The following TIE1 variants were observed in gnomAD, a reference collection of about 807,000 sequenced individuals.
TIE1 encodes the protein tyrosine kinase with immunoglobulin like and EGF like domains 1.
Under a neutral mutation model 130.5 loss-of-function variants are expected in TIE1, and 89 were observed. The observed-to-expected ratio is 0.68, with a 90% CI of 0.57 to 0.81. The LOEUF (loss-of-function observed/expected upper bound fraction) is 0.81, where lower values mean the gene tolerates loss of function less well. TIE1 is among the 40% of genes least tolerant of loss of function. The pLI is 0.00. For missense variants in TIE1, 1,392 were observed against 1,559.8 expected (o/e 0.89, Z 1.81); for synonymous variants, 568 against 629.4 (o/e 0.90, Z 1.46).
Position 43,306,812 on chromosome 1 carries a change from A to G in TIE1, c.485-28A>G, listed in dbSNP as rs1400525603. 6.3e-7 allele frequency: 1 copy of G among 1,585,374 alleles called. No homozygotes were observed. Among genetic ancestry groups the G allele is most frequent in the Non-Finnish European group, 8.6e-7 (1 of 1,165,938 alleles). ...GTGACACAGCCCTCATGTAGTGCTG[A>G]GGCCCCTGACACATTCATGTCCCCC... On this transcript the variant is annotated intron_variant, in intron 3 of 22. Coordinates refer to ENST00000372476, the MANE Select transcript of TIE1 (RefSeq NM_005424.5). The surrounding 1 kb of genome is among the most constrained non-coding windows in gnomAD (Gnocchi z 4.9).
chr1:43,305,297 A>G lies in TIE1; in HGVS notation c.438A>G (p.Ala146=), dbSNP rs1646717057. 1 of 1,603,026 alleles carries G rather than the reference A, an allele frequency of 6.2e-7. No homozygotes were observed. The change falls in exon 3 of 23, where the codon GCA becomes GCG. Residue 146 remains alanine, a synonymous_variant. Coordinates refer to ENST00000372476, the MANE Select transcript of TIE1 (RefSeq NM_005424.5). ...AAGGTGACACCGCTGTACTTTCTGC[A>G]CGTGTGCACAAGGAGAAGCAGACAG... ...VNKGDTAVLS[A]RVHKEKQTDV...
chr1:43,318,827 T>C lies in TIE1; in HGVS notation c.2923-408T>C, dbSNP rs976996451. On this transcript the variant is annotated intron_variant, in intron 17 of 22. Transcript: ENST00000372476. The surrounding 1 kb of genome is among the most constrained non-coding windows in gnomAD (Gnocchi z 4.4). ...CCAGCATTTTAAAGATAGTAAAGTT[T>C]TGAGTATGTTTGAAAGCAGAGGGGC... Among the ~76,000 whole-genome samples, 1 of 151,864 alleles carries C rather than the reference T, an allele frequency of 6.6e-6. No individual in the cohort carries two copies. The highest frequency in any genetic ancestry group is 1.5e-5 in the Non-Finnish European group (1 of 67,970).
chr1:43,307,290 C>G lies in TIE1; in HGVS notation c.772+17C>G, dbSNP rs780699351. 1 of 1,613,976 alleles carries G rather than the reference C, an allele frequency of 6.2e-7. No individual in the cohort carries two copies. The stretch of plus-strand genomic sequence containing the variant: ...GTGAACAGGGTAAGGAGGAGGGGAG[C>G]TAGGACCCAGGCAGGAGAGGATCCC... On this transcript the variant is annotated intron_variant, in intron 5 of 22. Coordinates refer to ENST00000372476, the MANE Select transcript of TIE1 (RefSeq NM_005424.5). This position sits in a 1 kb window ranked among gnomAD's most constrained non-coding sequence, Gnocchi z 5.4.
intron 19 of TIE1, 90 bp from the exon 20 acceptor site, chr1:43,321,179 T>C: frequency 2.2e-6 from 3 of 1,351,180 alleles, no homozygotes; most frequent in Non-Finnish European, 3.2e-6. Flanking sequence ...ACAGCGGGGC[T>C]GGGAGGCACT....
Position 43,307,319 on chromosome 1 carries a change from C to CT in TIE1, c.772+47dup, listed in dbSNP as rs1557442778. Reference sequence around the variant, plus strand: ...GACCCAGGCAGGAGAGGATCCCTGACTGGGAGAAGACCCTAGAACCATGTG... The same window carrying CT: ...GACCCAGGCAGGAGAGGATCCCTGACTTGGGAGAAGACCCTAGAACCATGTG... On this transcript the variant is annotated intron_variant, in intron 5 of 22. Coordinates refer to ENST00000372476, the MANE Select transcript of TIE1 (RefSeq NM_005424.5). The surrounding 1 kb of genome is among the most constrained non-coding windows in gnomAD (Gnocchi z 5.4). The CT allele has an allele frequency of 6.2e-7, 1 of 1,613,646 alleles. No homozygotes were observed. The highest frequency in any genetic ancestry group is 8.5e-7 in the Non-Finnish European group (1 of 1,179,870).
intron 19 of TIE1, 40 bp from the exon 20 acceptor site, chr1:43,321,229 A>G: frequency 1.2e-6 from 2 of 1,612,150 alleles, no homozygotes; most frequent in Non-Finnish European, 8.5e-7. Context: ...GCTAGGGACC[A>G]GGGCCTAGAA....
Position 43,319,543 on chromosome 1 carries a change from G to A in TIE1, c.3107+14G>A. 1 of 1,613,662 alleles carries A rather than the reference G, an allele frequency of 6.2e-7. No individual in the cohort carries two copies. Among genetic ancestry groups the A allele is most frequent in the African/African-American group, 1.3e-5 (1 of 74,990 alleles). On this transcript the variant is annotated intron_variant, in intron 19 of 22. Coordinates refer to ENST00000372476, the MANE Select transcript of TIE1 (RefSeq NM_005424.5). This position sits in a 1 kb window ranked among gnomAD's most constrained non-coding sequence, Gnocchi z 4.7. Reference sequence around the variant, plus strand: ...CAAGAGTGATGTGTGAGTGTGAGATGAGAGGGCACAGGAGGGCTTGGCCCC... The same window carrying A: ...CAAGAGTGATGTGTGAGTGTGAGATAAGAGGGCACAGGAGGGCTTGGCCCC...
In TIE1 at chr1:43,321,251, G is replaced by A; in HGVS notation, c.3108-18G>A. On this transcript the variant is annotated intron_variant, in intron 19 of 22. Coordinates refer to ENST00000372476, the MANE Select transcript of TIE1 (RefSeq NM_005424.5). ...ACCAGGGCCTAGAAGGTAACTAAGT[G>A]CATCCTTCTTATTTCAGCTGGTCCT... 6.2e-7 allele frequency: 1 copy of A among 1,614,030 alleles called. No homozygotes were observed. Among genetic ancestry groups the A allele is most frequent in the South Asian group, 1.1e-5 (1 of 91,076 alleles).
chr1:43,312,668 C>A lies in TIE1; in HGVS notation c.1927+67C>A. ...CGTGGGACACAGGGACACATGAGAC[C>A]TAGGAGACACGGGAGGCTGTAGGAG... is the stretch of plus-strand genomic sequence containing the variant. On this transcript the variant is annotated intron_variant, in intron 12 of 22. Coordinates refer to ENST00000372476, the MANE Select transcript of TIE1 (RefSeq NM_005424.5). This position sits in a 1 kb window ranked among gnomAD's most constrained non-coding sequence, Gnocchi z 5.6. The A allele has an allele frequency of 2.6e-6, 4 of 1,514,812 alleles. No individual in the cohort carries two copies. The highest frequency in any genetic ancestry group is 3.6e-6 in the Non-Finnish European group (4 of 1,125,078). 93.8% of individuals were successfully genotyped at this position (1,514,812 alleles called of 1,614,324 possible).
Position 43,300,995 on chromosome 1 carries a change from C to G in TIE1, c.-77C>G. On this transcript the variant is annotated 5_prime_UTR_variant, in exon 1 of 23. Coordinates refer to ENST00000372476, the MANE Select transcript of TIE1 (RefSeq NM_005424.5). ...CAGCACCGACCCACACTGACCAACA[C>G]AGGCTGAGCAGTCAGGCCCACAGCA... 1 of 1,487,706 alleles carries G rather than the reference C, an allele frequency of 6.7e-7. No individual in the cohort carries two copies. Among genetic ancestry groups the G allele is most frequent in the Admixed American group, 1.8e-5 (1 of 56,248 alleles). 92.2% of individuals were successfully genotyped at this position (1,487,706 alleles called of 1,614,324 possible).
chr1:43,321,032 C>CAAAAAAAA (rs752698629), intron 19 of TIE1, among the ~76,000 whole-genome samples: 3 of 97,392 alleles, frequency 3.1e-5, no homozygotes, highest in African/African-American at 4.6e-5. Flanking sequence ...GACCCTGTCT[C>CAAAAAAAA]AAAAAAAAAA....
At position 43,315,573 on chromosome 1, in the gene TIE1, G is replaced by A. The variant is rs189492486; in HGVS notation, c.2409+1605G>A. ...GGAGGCTGAGGCAGGAGAACTGCTT[G>A]AACCCGGATGGCAGAGGTTGCAGTG... On this transcript the variant is annotated intron_variant, in intron 14 of 22. Transcript: ENST00000372476. The surrounding 1 kb of genome is among the most constrained non-coding windows in gnomAD (Gnocchi z 4.4). Among the ~76,000 whole-genome samples, 34 of 152,184 alleles carry A rather than the reference G, an allele frequency of 2.2e-4. No individual in the cohort carries two copies. Among genetic ancestry groups the A allele is most frequent in the African/African-American group, 8.2e-4 (34 of 41,536 alleles).
Position 43,313,558 on chromosome 1 carries a change from C to A in TIE1, c.2218+133C>A. 1 of 1,235,484 alleles carries A rather than the reference C, an allele frequency of 8.1e-7. No homozygotes were observed. Among genetic ancestry groups the A allele is most frequent in the Non-Finnish European group, 1.1e-6 (1 of 897,352 alleles). The allele number at this position is 1,235,484 out of a possible 1,614,324, so 76.5% of individuals were successfully genotyped here. A position where few individuals can be genotyped will look rare whatever the true frequency, so the allele number is the denominator to read the frequency against. On this transcript the variant is annotated intron_variant, in intron 13 of 22. Transcript: ENST00000372476. This position sits in a 1 kb window ranked among gnomAD's most constrained non-coding sequence, Gnocchi z 6.2. ...TCCTGACAAAGAGTCAGCCCCAGTC[C>A]TGGGGACTCAGCCTTCCATTCTCAT... is the stretch of plus-strand genomic sequence containing the variant.
Position 43,311,922 on chromosome 1 carries a change from G to A in TIE1, c.1493-72G>A. The stretch of plus-strand genomic sequence containing the variant: ...AGAGGGAGGGCAAATGGTGCGAGGG[G>A]GCTGAAGGGAGCATGGCAGCTTCTA... On this transcript the variant is annotated intron_variant, in intron 10 of 22. Transcript: ENST00000372476. 13 of 1,568,392 alleles carry A rather than the reference G, an allele frequency of 8.3e-6. No individual in the cohort carries two copies. The South Asian group carries it at 9.5e-5, about 11-fold the overall frequency.
chr1:43,314,535 C>T (rs1646840540), intron 14 of TIE1: 1 of 998,888 alleles, frequency 1.0e-6, no homozygotes, highest in Non-Finnish European at 1.2e-6. Flanking sequence ...CTTTTGGAGA[C>T]TTAAGAAAGG....
Position 43,317,357 on chromosome 1 carries a change from C to T in TIE1, c.2568C>T (p.Ala856=). ...GGAACTTCGGCCAGGTCATCCGGGC[C>T]ATGATCAAGAAGGACGGGCTGAAGA... ...GEGNFGQVIR[A]MIKKDGLKMN... is the part of the protein sequence containing the mutation. The change falls in exon 15 of 23, where the codon GCC becomes GCT. Residue 856 remains alanine, a synonymous_variant. Coordinates refer to ENST00000372476, the MANE Select transcript of TIE1 (RefSeq NM_005424.5). The surrounding 1 kb of genome is among the most constrained non-coding windows in gnomAD (Gnocchi z 5.1). 6.2e-7 allele frequency: 1 copy of T among 1,614,080 alleles called. No homozygotes were observed. Among genetic ancestry groups the T allele is most frequent in the Non-Finnish European group, 8.5e-7 (1 of 1,180,024 alleles).
chr1:43,309,282 G>A lies in TIE1; in HGVS notation c.1189-106G>A, dbSNP rs1057020408. On this transcript the variant is annotated intron_variant, in intron 8 of 22. Coordinates refer to ENST00000372476, the MANE Select transcript of TIE1 (RefSeq NM_005424.5). The surrounding 1 kb of genome is among the most constrained non-coding windows in gnomAD (Gnocchi z 6.3). ...TGAGGTCAGGCTGATTGGTGAGGGG[G>A]CTGCCACTGGGCCTCTGTCCTGCCA... 32 of 1,512,746 alleles carry A rather than the reference G, an allele frequency of 2.1e-5. No individual in the cohort carries two copies. In the East Asian group the frequency reaches 7.3e-4, roughly 34 times the overall value. The allele number at this position is 1,512,746 out of a possible 1,614,324, so 93.7% of individuals were successfully genotyped here. A position where few individuals can be genotyped will look rare whatever the true frequency, so the allele number is the denominator to read the frequency against.
Position 43,313,629 on chromosome 1 carries a change from C to T in TIE1, c.2219-149C>T. On this transcript the variant is annotated intron_variant, in intron 13 of 22. Coordinates refer to ENST00000372476, the MANE Select transcript of TIE1 (RefSeq NM_005424.5). The surrounding 1 kb of genome is among the most constrained non-coding windows in gnomAD (Gnocchi z 6.2). Reference sequence around the variant, plus strand: ...GGAAAATCATGTCGCCCCTCTGACACCCCTCATCCCTTCCTTCATGTGGCC... The same window carrying T: ...GGAAAATCATGTCGCCCCTCTGACATCCCTCATCCCTTCCTTCATGTGGCC... The T allele has an allele frequency of 4.8e-6, 5 of 1,047,426 alleles. No individual in the cohort carries two copies. The allele number at this position is 1,047,426 out of a possible 1,614,324, so 64.9% of individuals were successfully genotyped here.
Position 43,312,160 on chromosome 1 carries a change from T to TC in TIE1, c.1630+35dup. ...AGAGGCCAAGAGTCATCCCTTCCTG[T>TC]CCCCCCAAGGGTTACTTTCCCGTCG... On this transcript the variant is annotated intron_variant, in intron 11 of 22. Transcript: ENST00000372476. This position sits in a 1 kb window ranked among gnomAD's most constrained non-coding sequence, Gnocchi z 5.6. 1 of 1,516,722 alleles carries TC rather than the reference T, an allele frequency of 6.6e-7. No homozygotes were observed. The highest frequency in any genetic ancestry group is 8.8e-7 in the Non-Finnish European group (1 of 1,131,726). 94.0% of individuals were successfully genotyped at this position (1,516,722 alleles called of 1,614,324 possible). A position where few individuals can be genotyped will look rare whatever the true frequency, so the allele number is the denominator to read the frequency against.
Sources: gnomAD v4.1 joint callset for allele counts (sites outside exome capture counted in the v4.1 genomes callset) on GRCh38, gnomAD v4.1.1 for gene constraint, Gnocchi (gnomAD v3.1) non-coding constraint, MANE v1.5 for transcripts, NCBI Gene and HGNC (gene_info 2026-07-23, HGNC 2026-07-21) for gene names.